Variants in MARCHF1 observed in about 807,000 individuals in gnomAD.
MARCHF1 encodes the protein E3 ubiquitin-protein ligase MARCHF1.
MARCHF1 carries 40 observed loss-of-function variants against 54.2 expected under a neutral mutation model. That is an observed-to-expected ratio of 0.74 (90% CI 0.57 to 0.96). The LOEUF (loss-of-function observed/expected upper bound fraction) is 0.96. MARCHF1 is among the 40% of genes least tolerant of loss of function. The pLI is 0.00. For missense variants in MARCHF1, 586 were observed against 656.5 expected (o/e 0.89, Z 1.17); for synonymous variants, 236 against 236.3 (o/e 1.00, Z 0.01).
chr4:164,141,096 T>G (rs1469564269), intron 1 of MARCHF1, among the ~76,000 whole-genome samples: 3 of 152,212 alleles, frequency 2.0e-5, no homozygotes, highest in African/African-American at 7.2e-5. Flanking sequence ...CTTGCTGACT[T>G]TATCTTTAAG....
intron 2 of MARCHF1, among the ~76,000 whole-genome samples, chr4:164,080,395 T>A (rs1755070243): frequency 6.6e-6 from 1 of 152,238 alleles, no homozygotes; most frequent in Admixed American, 6.5e-5. Flanking sequence ...CATTAATAGA[T>A]CTTTATTGTA....
intron 4 of MARCHF1, among the ~76,000 whole-genome samples, chr4:163,728,514 T>C (rs1745734896): frequency 6.6e-6 from 1 of 152,174 alleles, no homozygotes; most frequent in African/African-American, 2.4e-5. Flanking sequence ...TTCCCCCCCA[T>C]ACTTTTGTTA....
intron 1 of MARCHF1, among the ~76,000 whole-genome samples, chr4:164,278,530 TAGCTTATGCCAG>T (rs1315617642): frequency 3.3e-5 from 5 of 152,338 alleles, no homozygotes; most frequent in East Asian, 1.9e-4. Flanking sequence ...GGTATAATGT[TAGCTTATGCCAG>T]AGCTGACCTT....
chr4:163,663,177 T>C (rs34377275), intron 5 of MARCHF1, among the ~76,000 whole-genome samples: 56 of 152,210 alleles, frequency 3.7e-4, no homozygotes, highest in Non-Finnish European at 6.6e-4. Flanking sequence ...TTGGATATTT[T>C]TTCCTAGTGG....
intron 1 of MARCHF1, among the ~76,000 whole-genome samples, chr4:164,364,733 T>C (rs1730832373): frequency 1.3e-5 from 2 of 151,900 alleles, no homozygotes; most frequent in Non-Finnish European, 2.9e-5. Flanking sequence ...TCTTTTCTCT[T>C]AATCCTTTTA....
At chr4:163,683,172 T>C (rs1579191691) in intron 5 of MARCHF1, among the ~76,000 whole-genome samples, 1 of 152,198 alleles carries the variant, frequency 6.6e-6, no homozygotes, top group South Asian at 2.1e-4. Context: ...TATTTGAGAC[T>C]GGGCAATTTG....
At chr4:164,225,040 C>A (rs539550222) in intron 1 of MARCHF1, among the ~76,000 whole-genome samples, 1 of 152,100 alleles carries the variant, frequency 6.6e-6, no homozygotes, top group East Asian at 1.9e-4. Context: ...CCCTAATCCC[C>A]CTAACAGATG....
intron 3 of MARCHF1, among the ~76,000 whole-genome samples, chr4:163,920,759 T>C (rs78008597): frequency 0.026 from 3,985 of 152,290 alleles, 55 homozygotes; most frequent in Non-Finnish European, 0.042. Context: ...AATAGAAATT[T>C]TGGAATATAT....
intron 7 of MARCHF1, among the ~76,000 whole-genome samples, chr4:163,597,036 A>T (rs548652926): frequency 5.3e-5 from 8 of 152,096 alleles, no homozygotes. Flanking sequence ...GCTCACTGCA[A>T]TCTCTGCCTC....
At chr4:163,891,699 C>T (rs899799249) in intron 3 of MARCHF1, among the ~76,000 whole-genome samples, 1 of 152,216 alleles carries the variant, frequency 6.6e-6, no homozygotes, top group South Asian at 2.1e-4. Context: ...AGTAGCGGAG[C>T]GTTGATTCCT....
intron 3 of MARCHF1, among the ~76,000 whole-genome samples, chr4:163,938,137 T>A (rs1389573096): frequency 6.6e-6 from 1 of 152,122 alleles, no homozygotes; most frequent in African/African-American, 2.4e-5. Flanking sequence ...TAAAACCAGA[T>A]AATTCTCTGA....
rs542764092 is a variant in MARCHF1 at position 163,963,833 on chromosome 4, G to A, written c.-39+24668C>T. On this transcript the variant is annotated intron_variant, in intron 3 of 9. Transcript: ENST00000514618. The stretch of plus-strand genomic sequence containing the variant: ...CCTGAAGGATGAAATACTGAGCACA[G>A]AAAGAAAGTGAGTGAAGAAACAGTC... 6.6e-5 allele frequency among the ~76,000 whole-genome samples: 10 copies of A among 151,898 alleles called. No individual in the cohort carries two copies. In the South Asian group the frequency reaches 2.1e-3, roughly 31 times the overall value.
intron 1 of MARCHF1, chr4:164,189,613 C>T (rs1731069691): frequency 1.1e-6 from 1 of 915,526 alleles, no homozygotes. Flanking sequence ...TACAGGTGAC[C>T]TGGTAGTGCT....
intron 3 of MARCHF1, among the ~76,000 whole-genome samples, chr4:163,874,175 A>G (rs1452630391): frequency 1.3e-5 from 2 of 152,202 alleles, no homozygotes; most frequent in African/African-American, 4.8e-5. Context: ...CAAATATTTA[A>G]CAGTCAGTGG....
chr4:164,109,931 A>AAAT (rs1755798366), intron 2 of MARCHF1, among the ~76,000 whole-genome samples: 1 of 149,870 alleles, frequency 6.7e-6, no homozygotes, highest in South Asian at 2.1e-4. Context: ...AAAAAAAAAA[A>AAAT]AAAAAGAAAA....
intron 5 of MARCHF1, among the ~76,000 whole-genome samples, chr4:163,624,459 G>T (rs769745173): frequency 2.0e-5 from 3 of 152,108 alleles, no homozygotes; most frequent in Non-Finnish European, 2.9e-5. Context: ...CTCCTTTACT[G>T]TCTCACTGCC....
chr4:164,122,322 C>T (rs1438243162), intron 1 of MARCHF1, among the ~76,000 whole-genome samples: 1 of 152,042 alleles, frequency 6.6e-6, no homozygotes, highest in Non-Finnish European at 1.5e-5. Flanking sequence ...ACTTATTTTC[C>T]TTTCTAACTA....
chr4:164,060,792 T>C (rs1030626053), intron 2 of MARCHF1, among the ~76,000 whole-genome samples: 6 of 152,176 alleles, frequency 3.9e-5, no homozygotes, highest in Admixed American at 3.9e-4. Context: ...AAATGGACTC[T>C]TATAAGCAAC....
intron 4 of MARCHF1, among the ~76,000 whole-genome samples, chr4:163,724,957 G>A (rs78706736): frequency 9.2e-5 from 14 of 152,162 alleles, no homozygotes; most frequent in East Asian, 1.9e-4. Context: ...TGCACTTCCC[G>A]GGTGAGGCAA....
Sources: allele counts gnomAD v4.1 joint callset (sites outside exome capture counted in the v4.1 genomes callset), GRCh38; gene constraint gnomAD v4.1.1; transcripts MANE v1.5; gene names NCBI Gene and HGNC (gene_info 2026-07-23, HGNC 2026-07-21).